The following MED27 variants were observed in gnomAD, a reference collection of about 807,000 sequenced individuals.
The protein encoded by MED27 is mediator complex subunit 27.
A neutral mutation model predicts 38.2 loss-of-function variants in MED27; 30 were observed. That is an observed-to-expected ratio of 0.79 (90% CI 0.59 to 1.07). MED27 has a LOEUF of 1.07. MED27 is among the 50% of genes least tolerant of loss of function. The pLI, the probability that MED27 is intolerant of heterozygous loss-of-function variation, is 0.00. For synonymous variants in MED27, 122 were observed against 153.5 expected (o/e 0.79, Z 1.52); for missense variants, 289 against 397.5 (o/e 0.73, Z 2.32).
intron 4 of MED27, among the ~76,000 whole-genome samples, chr9:131,900,647 T>G (rs370101777): frequency 6.6e-6 from 1 of 151,886 alleles, no homozygotes; most frequent in South Asian, 2.1e-4. Flanking sequence ...CGGGGCCAGA[T>G]AGCATCCCCA....
intron 5 of MED27, among the ~76,000 whole-genome samples, chr9:131,886,351 C>T (rs1198650796): frequency 6.6e-6 from 1 of 152,184 alleles, no homozygotes; most frequent in African/African-American, 2.4e-5. Context: ...TCATCGAACT[C>T]CATGACAAAT....
In MED27 at chr9:132,003,185, T is replaced by C. The variant is rs2131060512; in HGVS notation, c.479+11152A>G. ...CTTTGCCCAATAATGGCCAGTGATG[T>C]AATAACCACACCAGACAGCTGTCTT... On this transcript the variant is annotated intron_variant, in intron 3 of 7. Coordinates refer to ENST00000292035, the MANE Select transcript of MED27 (RefSeq NM_004269.4). This position sits in a 1 kb window ranked among gnomAD's most constrained non-coding sequence, Gnocchi z 4.2. Among the ~76,000 whole-genome samples, 1 of 152,276 alleles carries C rather than the reference T, an allele frequency of 6.6e-6. No individual in the cohort carries two copies. Among genetic ancestry groups the C allele is most frequent in the African/African-American group, 2.4e-5 (1 of 41,556 alleles).
At position 132,075,299 on chromosome 9, in the gene MED27, C is replaced by T. The variant is rs527832560; in HGVS notation, c.348+2143G>A. On this transcript the variant is annotated intron_variant, in intron 2 of 7. Transcript: ENST00000292035. The stretch of plus-strand genomic sequence containing the variant: ...GGTCAGTTTACTGGGCCTCAGTTTG[C>T]GCACCTCTAAAATAAGGGGCTGAGT... Among the ~76,000 whole-genome samples, 9 of 152,086 alleles carry T rather than the reference C, an allele frequency of 5.9e-5. No individual in the cohort carries two copies. In the South Asian group the frequency reaches 8.3e-4, roughly 14 times the overall value.
chr9:132,049,692 G>T (rs1833419029), intron 2 of MED27, among the ~76,000 whole-genome samples: 1 of 152,080 alleles, frequency 6.6e-6, no homozygotes, highest in South Asian at 2.1e-4. Context: ...ACCAGAAAGG[G>T]CTGAGAACAA....
At chr9:131,944,349 A>G (rs1203380199) in intron 3 of MED27, among the ~76,000 whole-genome samples, 6 of 152,048 alleles carry the variant, frequency 3.9e-5, no homozygotes, top group Non-Finnish European at 8.8e-5. Flanking sequence ...AACCCCTTGC[A>G]TTGCCTGACG....
chr9:131,998,902 CA>C (rs1300015677), intron 3 of MED27, among the ~76,000 whole-genome samples: 1 of 150,398 alleles, frequency 6.6e-6, no homozygotes, highest in African/African-American at 2.4e-5. Flanking sequence ...CCACAGTGCC[CA>C]AGTCCACCAA....
chr9:131,897,290 A>G (rs1829847496), intron 4 of MED27, among the ~76,000 whole-genome samples: 1 of 152,264 alleles, frequency 6.6e-6, no homozygotes, highest in Non-Finnish European at 1.5e-5. Context: ...TTGCAAAGTC[A>G]TAACTACTGT....
intron 3 of MED27, among the ~76,000 whole-genome samples, chr9:131,947,032 T>G (rs776770704): frequency 6.6e-5 from 10 of 152,230 alleles, no homozygotes; most frequent in Non-Finnish European, 1.5e-4. Context: ...AACCTATGAC[T>G]GTCTTCTTTG....
chr9:132,079,861 C>A lies in MED27; in HGVS notation c.-17G>T. On this transcript the variant is annotated 5_prime_UTR_variant, in exon 1 of 8. Transcript: ENST00000292035. ...GTCCGCCATGTTGCCGCCGCCACAGCAGCTCTCCAAAGCCGGCTTCGCAAG... is the reference window on the plus strand; with the variant it reads ...GTCCGCCATGTTGCCGCCGCCACAGAAGCTCTCCAAAGCCGGCTTCGCAAG... The A allele has an allele frequency of 1.9e-6, 3 of 1,565,614 alleles. No individual in the cohort carries two copies. The highest frequency in any genetic ancestry group is 2.6e-6 in the Non-Finnish European group (3 of 1,153,868).
At chr9:131,910,331 T>C (rs570903723) in intron 4 of MED27, among the ~76,000 whole-genome samples, 15 of 152,328 alleles carry the variant, frequency 9.8e-5, no homozygotes, top group Admixed American at 7.2e-4. Flanking sequence ...CCTTGTTACA[T>C]TGTATCCCAT....
At chr9:132,045,840 T>C (rs189965719) in intron 2 of MED27, among the ~76,000 whole-genome samples, 49 of 152,234 alleles carry the variant, frequency 3.2e-4, no homozygotes, top group African/African-American at 1.0e-3. Context: ...ATGTTATCTG[T>C]AGGTTCTGGG....
chr9:132,006,659 A>C (rs1300531009), intron 3 of MED27, among the ~76,000 whole-genome samples: 1 of 152,056 alleles, frequency 6.6e-6, no homozygotes, highest in East Asian at 1.9e-4. Flanking sequence ...AAAAAAAAAA[A>C]CAACAACCTT....
intron 2 of MED27, among the ~76,000 whole-genome samples, chr9:132,046,475 A>G (rs189806842): frequency 6.5e-4 from 99 of 152,362 alleles, no homozygotes; most frequent in Admixed American, 1.0e-3. Context: ...CAAGTAAGAC[A>G]GAGGGAGTAC....
intron 3 of MED27, among the ~76,000 whole-genome samples, chr9:132,012,688 C>A (rs990215285): frequency 6.6e-6 from 1 of 152,132 alleles, no homozygotes; most frequent in Non-Finnish European, 1.5e-5. Flanking sequence ...CAGTATCCCC[C>A]ACTCCCATAC....
intron 3 of MED27, among the ~76,000 whole-genome samples, chr9:131,995,379 A>G (rs899413426): frequency 6.6e-6 from 1 of 152,138 alleles, no homozygotes; most frequent in Non-Finnish European, 1.5e-5. Flanking sequence ...TGCACTTATT[A>G]AAGCTGATCT....
chr9:132,010,280 A>T (rs1423618001), intron 3 of MED27, among the ~76,000 whole-genome samples: 2 of 152,250 alleles, frequency 1.3e-5, no homozygotes, highest in African/African-American at 4.8e-5. Context: ...CACATGAAAA[A>T]ATGCTCATCA....
chr9:132,024,719 G>A (rs774023998), intron 2 of MED27, among the ~76,000 whole-genome samples: 6 of 152,246 alleles, frequency 3.9e-5, no homozygotes, highest in Admixed American at 6.5e-5. Context: ...AAATCCTAAG[G>A]ACAATCGTCT....
rs190361186 is a variant in MED27, at chr9:131,897,030, A to G, written c.574-3038T>C. On this transcript the variant is annotated intron_variant, in intron 4 of 7. Transcript: ENST00000292035. ...CAGGCGCAAGCCACCACGCCCAGTC[A>G]TGTATATTTTCAAATCAAATTTTTC... 2.3e-3 allele frequency among the ~76,000 whole-genome samples: 350 copies of G among 152,382 alleles called. 2 individuals are homozygous for G. The highest frequency in any genetic ancestry group is 7.5e-3 in the African/African-American group (312 of 41,608).
chr9:131,986,140 C>T (rs1831844265), intron 3 of MED27, among the ~76,000 whole-genome samples: 1 of 151,938 alleles, frequency 6.6e-6, no homozygotes, highest in Non-Finnish European at 1.5e-5. Context: ...AAAAGTAAGG[C>T]TAATTTATTA....
Sources: allele counts gnomAD v4.1 joint callset (sites outside exome capture counted in the v4.1 genomes callset), GRCh38; gene constraint gnomAD v4.1.1; non-coding constraint Gnocchi (gnomAD v3.1); transcripts MANE v1.5; gene names NCBI Gene and HGNC (gene_info 2026-07-23, HGNC 2026-07-21).